PPP3CA: variants seen among roughly 807,000 people sequenced by gnomAD.
PPP3CA encodes the protein CAM-PRP catalytic subunit.
In PPP3CA, 14 loss-of-function variants were observed where a neutral mutation model predicts 66.5. The ratio of observed to expected loss-of-function variants is 0.21; its 90% confidence interval spans 0.14 to 0.33. PPP3CA has a LOEUF of 0.33. Among genes scored for constraint, PPP3CA ranks in the 10% least tolerant of loss-of-function variants. The pLI, the probability that PPP3CA is intolerant of heterozygous loss-of-function variation, is 1.00. For missense variants in PPP3CA, 317 were observed against 639.5 expected, an observed-to-expected ratio of 0.50 and a Z score of 5.44; for synonymous variants, 232 against 226.2, an observed-to-expected ratio of 1.03 and a Z score of -0.23.
intron 1 of PPP3CA, among the ~76,000 whole-genome samples, chr4:101,316,884 T>G (rs937312450): frequency 6.6e-6 from 1 of 152,224 alleles, no homozygotes; most frequent in Non-Finnish European, 1.5e-5. Context: ...GTCAGTCTTA[T>G]AGTAAAGCAT....
intron 1 of PPP3CA, among the ~76,000 whole-genome samples, chr4:101,199,971 A>C (rs968458947): frequency 9.2e-5 from 14 of 152,302 alleles, no homozygotes; most frequent in African/African-American, 3.4e-4. Context: ...AGCCAGAGTA[A>C]TCCTAGCCCT....
intron 1 of PPP3CA, among the ~76,000 whole-genome samples, chr4:101,288,147 A>G (rs1422407821): frequency 6.6e-6 from 1 of 152,192 alleles, no homozygotes; most frequent in Non-Finnish European, 1.5e-5. Flanking sequence ...CCTCTTGGTG[A>G]CAGAAACTTA....
At chr4:101,281,563 T>G (rs1727684918) in intron 1 of PPP3CA, among the ~76,000 whole-genome samples, 1 of 140,424 alleles carries the variant, frequency 7.1e-6, no homozygotes, top group Admixed American at 7.1e-5. Context: ...TTGAGTTGGC[T>G]ATGAATGAGA....
At chr4:101,245,880 T>C (rs1209133867) in intron 1 of PPP3CA, among the ~76,000 whole-genome samples, 1 of 152,094 alleles carries the variant, frequency 6.6e-6, no homozygotes, top group African/African-American at 2.4e-5. Flanking sequence ...TTGGAAATTA[T>C]ATTATCATTC....
At chr4:101,297,646 T>C (rs1327897261) in intron 1 of PPP3CA, among the ~76,000 whole-genome samples, 2 of 152,128 alleles carry the variant, frequency 1.3e-5, no homozygotes, top group African/African-American at 2.4e-5. Context: ...GCTGCTGGCA[T>C]TGGATTCTGC....
At chr4:101,307,795 C>T (rs1728594457) in intron 1 of PPP3CA, among the ~76,000 whole-genome samples, 1 of 152,162 alleles carries the variant, frequency 6.6e-6, no homozygotes, top group Admixed American at 6.5e-5. Flanking sequence ...TAACACAAAC[C>T]AAAGTAACCA....
At chr4:101,308,875 C>T (rs1050420296) in intron 1 of PPP3CA, among the ~76,000 whole-genome samples, 4 of 152,100 alleles carry the variant, frequency 2.6e-5, no homozygotes, top group Non-Finnish European at 5.9e-5. Context: ...GAAGATACTT[C>T]CCAGAAAAAG....
intron 1 of PPP3CA, among the ~76,000 whole-genome samples, chr4:101,240,007 G>T (rs531697457): frequency 9.0e-5 from 13 of 144,162 alleles, no homozygotes; most frequent in Non-Finnish European, 1.8e-4. Context: ...AGAGCCTACA[G>T]TGACTAGTTT....
chr4:101,204,149 G>C (rs1445587955), intron 1 of PPP3CA, among the ~76,000 whole-genome samples: 2 of 151,848 alleles, frequency 1.3e-5, no homozygotes, highest in Non-Finnish European at 2.9e-5. Context: ...GGGACCACAG[G>C]TGCATGCCAC....
At chr4:101,302,601 G>T (rs1051040672) in intron 1 of PPP3CA, among the ~76,000 whole-genome samples, 3 of 152,182 alleles carry the variant, frequency 2.0e-5, no homozygotes, top group African/African-American at 7.2e-5. Flanking sequence ...CGCAATCTCA[G>T]CTTACCGCAA....
chr4:101,112,207 A>G (rs1269360802), intron 2 of PPP3CA, among the ~76,000 whole-genome samples: 1 of 152,200 alleles, frequency 6.6e-6, no homozygotes, highest in Non-Finnish European at 1.5e-5. Flanking sequence ...AAATGTCTCT[A>G]GACAATGCAA....
chr4:101,317,686 A>G (rs1215315163), intron 1 of PPP3CA, among the ~76,000 whole-genome samples: 1 of 152,210 alleles, frequency 6.6e-6, no homozygotes, highest in Non-Finnish European at 1.5e-5. Context: ...AGAGAACACT[A>G]TTTAATAAAC....
intron 1 of PPP3CA, among the ~76,000 whole-genome samples, chr4:101,247,014 T>TA (rs1175428439): frequency 1.3e-5 from 2 of 152,192 alleles, no homozygotes; most frequent in Non-Finnish European, 2.9e-5. Context: ...GTACTTTCTT[T>TA]AGAGCAAATA....
In PPP3CA at chr4:101,196,691, A is replaced by C. The variant is rs755358828; in HGVS notation, c.59-575T>G. ...AATCAGGATTTGCAGGTGAGTGTGT[A>C]TGCTCTCACTGAAGGGACCTCCTTA... is the stretch of plus-strand genomic sequence containing the variant. On this transcript the variant is annotated intron_variant, in intron 1 of 13. Coordinates refer to ENST00000394854, the MANE Select transcript of PPP3CA (RefSeq NM_000944.5). Among the ~76,000 whole-genome samples the C allele has an allele frequency of 9.9e-5, 15 of 152,214 alleles. 1 individual carries two copies. Among genetic ancestry groups the C allele is most frequent in the Non-Finnish European group, 1.9e-4 (13 of 68,038 alleles).
intron 2 of PPP3CA, among the ~76,000 whole-genome samples, chr4:101,190,476 A>G (rs563144003): frequency 6.6e-6 from 1 of 152,186 alleles, no homozygotes; most frequent in Non-Finnish European, 1.5e-5. Context: ...ATGACTGTCA[A>G]ATGTTTCCCA....
Position 101,346,861 on chromosome 4 carries a change from G to C in PPP3CA, c.-65C>G, listed in dbSNP as rs1730022442. Reference sequence around the variant, plus strand: ...CCGACTGCACACCCCGACCGGACCGGCGGGCCAGACACTCAACGCCGCCGC... The same window carrying C: ...CCGACTGCACACCCCGACCGGACCGCCGGGCCAGACACTCAACGCCGCCGC... On this transcript the variant is annotated 5_prime_UTR_variant, in exon 1 of 14. Coordinates refer to ENST00000394854, the MANE Select transcript of PPP3CA (RefSeq NM_000944.5). 6.4e-7 allele frequency: 1 copy of C among 1,560,738 alleles called. No individual in the cohort carries two copies. Among genetic ancestry groups the C allele is most frequent in the Non-Finnish European group, 8.7e-7 (1 of 1,152,128 alleles).
chr4:101,158,778 G>A (rs1723409052), intron 2 of PPP3CA, among the ~76,000 whole-genome samples: 1 of 152,146 alleles, frequency 6.6e-6, no homozygotes, highest in South Asian at 2.1e-4. Flanking sequence ...ACCAAACATA[G>A]TAAAAGCTTT....
chr4:101,247,626 C>T (rs1726530660), intron 1 of PPP3CA, among the ~76,000 whole-genome samples: 1 of 152,062 alleles, frequency 6.6e-6, no homozygotes, highest in Non-Finnish European at 1.5e-5. Flanking sequence ...TATGTTTTCC[C>T]TATACATATT....
intron 1 of PPP3CA, among the ~76,000 whole-genome samples, chr4:101,337,859 T>C (rs1729682735): frequency 6.6e-6 from 1 of 152,194 alleles, no homozygotes; most frequent in Non-Finnish European, 1.5e-5. Flanking sequence ...ACTGAGCTTT[T>C]CTAAAAACAC....
Sources: allele counts gnomAD v4.1 joint callset (sites outside exome capture counted in the v4.1 genomes callset), GRCh38; gene constraint gnomAD v4.1.1; transcripts MANE v1.5; gene names NCBI Gene and HGNC (gene_info 2026-07-23, HGNC 2026-07-21).